Variants in PDE10A observed in about 807,000 individuals in gnomAD.
The protein encoded by PDE10A is phosphodiesterase 10A.
A neutral mutation model predicts 97.7 loss-of-function variants in PDE10A; 39 were observed. That is an observed-to-expected ratio of 0.40 (90% CI 0.31 to 0.52). The LOEUF (loss-of-function observed/expected upper bound fraction) is 0.52, where lower values mean the gene tolerates loss of function less well. PDE10A is among the 20% of genes least tolerant of loss of function. PDE10A has a pLI of 0.56. For missense variants in PDE10A, 731 were observed against 1,047.8 expected (o/e 0.70, Z 4.17); for synonymous variants, 371 against 376.8 (o/e 0.98, Z 0.18).
chr6:165,895,209 C>T (rs756253897), intron 1 of PDE10A, among the ~76,000 whole-genome samples: 1 of 152,138 alleles, frequency 6.6e-6, no homozygotes, highest in Non-Finnish European at 1.5e-5. Context: ...AGGGTCTTTG[C>T]AGATGTGAGG....
chr6:165,817,350 C>A (rs1779447008), intron 1 of PDE10A, among the ~76,000 whole-genome samples: 1 of 152,118 alleles, frequency 6.6e-6, no homozygotes. Flanking sequence ...TACAGCAGCC[C>A]TGGCTTGCAG....
chr6:165,366,108 A>G (rs995606564), intron 18 of PDE10A, among the ~76,000 whole-genome samples: 3 of 152,156 alleles, frequency 2.0e-5, no homozygotes, highest in African/African-American at 7.2e-5. Flanking sequence ...TGGAACATGG[A>G]TACAGATAAA....
chr6:165,839,633 A>C (rs1384154306), intron 1 of PDE10A, among the ~76,000 whole-genome samples: 3 of 152,038 alleles, frequency 2.0e-5, no homozygotes, highest in Admixed American at 6.6e-5. Context: ...TATTTCTCTA[A>C]ATTGCTCCAT....
chr6:165,661,841 C>A lies in PDE10A; in HGVS notation c.865+106G>T. Reference sequence around the variant, plus strand: ...TGGGCGCTCCACGCCCGGGCACGGGCACCTCGCTCGACACCCGCTTCCCAC... The same window carrying A: ...TGGGCGCTCCACGCCCGGGCACGGGAACCTCGCTCGACACCCGCTTCCCAC... On this transcript the variant is annotated intron_variant, in intron 1 of 21. Transcript: ENST00000539869. The surrounding 1 kb of genome is among the most constrained non-coding windows in gnomAD (Gnocchi z 4.8). 1 of 617,230 alleles carries A rather than the reference C, an allele frequency of 1.6e-6. No individual in the cohort carries two copies. The highest frequency in any genetic ancestry group is 3.0e-6 in the Non-Finnish European group (1 of 338,372). 38.2% of individuals were successfully genotyped at this position (617,230 alleles called of 1,614,324 possible). A position where few individuals can be genotyped will look rare whatever the true frequency, so the allele number is the denominator to read the frequency against.
At chr6:165,825,117 C>G (rs1390509639) in intron 1 of PDE10A, among the ~76,000 whole-genome samples, 1 of 140,998 alleles carries the variant, frequency 7.1e-6, no homozygotes, top group Admixed American at 7.3e-5. Flanking sequence ...CACTGCACTC[C>G]AGCCTGGGCA....
At chr6:165,710,041 C>A (rs1488381901) in intron 1 of PDE10A, among the ~76,000 whole-genome samples, 1 of 152,050 alleles carries the variant, frequency 6.6e-6, no homozygotes, top group East Asian at 1.9e-4. Context: ...CCTGAACATA[C>A]CAACTCAGAC....
At chr6:165,884,988 C>A (rs576155776) in intron 1 of PDE10A, among the ~76,000 whole-genome samples, 1 of 152,250 alleles carries the variant, frequency 6.6e-6, no homozygotes, top group South Asian at 2.1e-4. Context: ...TTACTGAATT[C>A]CGCCTAGACT....
chr6:165,672,377 G>A (rs1790671338), intron 1 of PDE10A, among the ~76,000 whole-genome samples: 2 of 152,314 alleles, frequency 1.3e-5, no homozygotes, highest in South Asian at 4.1e-4. Context: ...TGCCTTAAAT[G>A]TGCTGAGAAC....
chr6:165,744,863 A>G (rs963543203), intron 1 of PDE10A, among the ~76,000 whole-genome samples: 1 of 152,184 alleles, frequency 6.6e-6, no homozygotes, highest in Admixed American at 6.5e-5. Context: ...TAAAAAAAAA[A>G]AAAATTCTGA....
At chr6:165,910,552 G>T (rs758409491) in intron 1 of PDE10A, among the ~76,000 whole-genome samples, 3 of 152,180 alleles carry the variant, frequency 2.0e-5, no homozygotes, top group Non-Finnish European at 4.4e-5. Context: ...TCTTGGGGGT[G>T]TTAAAAGCAA....
Position 165,431,525 on chromosome 6 carries a change from TATATACTATATATA to T in PDE10A, c.1492-67_1492-54del, listed in dbSNP as rs1038794820. 1.1e-4 allele frequency: 68 copies of T among 613,098 alleles called. 1 individual carries two copies. Among genetic ancestry groups the T allele is most frequent in the South Asian group, 2.7e-4 (11 of 41,398 alleles). 38.0% of individuals were successfully genotyped at this position (613,098 alleles called of 1,614,324 possible). A position where few individuals can be genotyped will look rare whatever the true frequency, so the allele number is the denominator to read the frequency against. On this transcript the variant is annotated intron_variant, in intron 7 of 21. Coordinates refer to ENST00000539869, the MANE Select transcript of PDE10A (RefSeq NM_001385079.1). ...TAAGTAATAATACATAACGTATATA[TATATACTATATATA>T]ATATACTATATATCATATGTATAAT...
At chr6:165,689,518 G>C (rs547207542) in intron 1 of PDE10A, among the ~76,000 whole-genome samples, 1 of 152,160 alleles carries the variant, frequency 6.6e-6, no homozygotes, top group African/African-American at 2.4e-5. Flanking sequence ...TGAACAGCTT[G>C]GTGCTGTCCC....
intron 17 of PDE10A, among the ~76,000 whole-genome samples, chr6:165,380,370 TCTCA>T (rs1460722785): frequency 6.6e-6 from 1 of 152,188 alleles, no homozygotes; most frequent in Non-Finnish European, 1.5e-5. Flanking sequence ...AAATTAGACA[TCTCA>T]CTAAGACACT....
At chr6:165,496,225 A>C (rs924064602) in intron 2 of PDE10A, among the ~76,000 whole-genome samples, 1 of 152,092 alleles carries the variant, frequency 6.6e-6, no homozygotes, top group Non-Finnish European at 1.5e-5. Flanking sequence ...CCAAATACTA[A>C]GTCCTTCCAG....
intron 1 of PDE10A, among the ~76,000 whole-genome samples, chr6:165,911,828 G>A (rs1782465288): frequency 6.6e-6 from 1 of 152,136 alleles, no homozygotes; most frequent in South Asian, 2.1e-4. Context: ...CACCCAAAAG[G>A]CCTGGGAGAG....
In PDE10A at chr6:165,327,567, A is replaced by C. The variant is rs1781114268; in HGVS notation, c.*5458T>G. 1 of 152,228 alleles carries C rather than the reference A, an allele frequency of 6.6e-6. No individual in the cohort carries two copies. The highest frequency in any genetic ancestry group is 1.5e-5 in the Non-Finnish European group (1 of 68,038). The allele number at this position is 152,228 out of a possible 1,614,324, so 9.4% of individuals were successfully genotyped here. A position where few individuals can be genotyped will look rare whatever the true frequency, so the allele number is the denominator to read the frequency against. The stretch of plus-strand genomic sequence containing the variant: ...TACTGTTCTATTATACAAACATAAC[A>C]GTAAATGTTTTTTAAATACAAAGAC... On this transcript the variant is annotated 3_prime_UTR_variant, in exon 22 of 22. Transcript: ENST00000539869.
intron 1 of PDE10A, among the ~76,000 whole-genome samples, chr6:165,913,783 G>T (rs1782531344): frequency 6.6e-6 from 1 of 152,176 alleles, no homozygotes; most frequent in Non-Finnish European, 1.5e-5. Context: ...ATGGCTAAAA[G>T]AACTATAGCA....
chr6:165,617,114 T>A (rs1429936332), intron 1 of PDE10A, among the ~76,000 whole-genome samples: 1 of 152,144 alleles, frequency 6.6e-6, no homozygotes, highest in Non-Finnish European at 1.5e-5. Context: ...ACCTTTAACA[T>A]CCTTAAATGG....
At chr6:165,512,270 T>C (rs1007833092) in intron 2 of PDE10A, among the ~76,000 whole-genome samples, 2 of 151,980 alleles carry the variant, frequency 1.3e-5, no homozygotes, top group African/African-American at 4.8e-5. Flanking sequence ...TCCTTGAACA[T>C]TTCTTGTAGG....
Sources: gnomAD v4.1 joint callset for allele counts (sites outside exome capture counted in the v4.1 genomes callset) on GRCh38, gnomAD v4.1.1 for gene constraint, Gnocchi (gnomAD v3.1) non-coding constraint, MANE v1.5 for transcripts, NCBI Gene and HGNC (gene_info 2026-07-23, HGNC 2026-07-21) for gene names.